MTUS1: variants seen among roughly 807,000 people sequenced by gnomAD.
The protein encoded by MTUS1 is microtubule-associated tumor suppressor 1.
MTUS1 carries 109 observed loss-of-function variants against 120.8 expected under a neutral mutation model. That is an observed-to-expected ratio of 0.90 (90% CI 0.77 to 1.06). The LOEUF (loss-of-function observed/expected upper bound fraction) is 1.06. Among genes scored for constraint, MTUS1 ranks in the 50% least tolerant of loss-of-function variants. MTUS1 has a pLI of 0.00. For synonymous variants in MTUS1, 737 were observed against 550.5 expected, an observed-to-expected ratio of 1.34 and a Z score of -4.74; for missense variants, 2,210 against 1,486.3, an observed-to-expected ratio of 1.49 and a Z score of -8.01.
intron 12 of MTUS1, 51 bp downstream of exon 12, chr8:17,653,135 G>C (rs770248295): frequency 1.9e-6 from 2 of 1,058,752 alleles, no homozygotes; most frequent in Non-Finnish European, 1.4e-6. Context: ...GACTCTAAAA[G>C]GCAACTGAGA....
At chr8:17,767,729 G>C (rs1234405698) in intron 1 of MTUS1, among the ~76,000 whole-genome samples, 1 of 115,828 alleles carries the variant, frequency 8.6e-6, no homozygotes, top group Non-Finnish European at 1.9e-5. Flanking sequence ...CGGTGTGAAA[G>C]AGACTGAAGT....
intron 1 of MTUS1, among the ~76,000 whole-genome samples, chr8:17,781,743 C>T (rs1482599992): frequency 6.6e-6 from 1 of 152,218 alleles, no homozygotes; most frequent in Non-Finnish European, 1.5e-5. Context: ...CTCCTGCCCC[C>T]ATCATGTGAT....
At chr8:17,790,481 G>A (rs992734412) in intron 1 of MTUS1, among the ~76,000 whole-genome samples, 1 of 152,196 alleles carries the variant, frequency 6.6e-6, no homozygotes, top group Non-Finnish European at 1.5e-5. Context: ...AGTTCTATTA[G>A]GACTTATTGC....
At chr8:17,796,956 A>T (rs374074874) in intron 1 of MTUS1, among the ~76,000 whole-genome samples, 1 of 152,200 alleles carries the variant, frequency 6.6e-6, no homozygotes, top group Admixed American at 6.5e-5. Flanking sequence ...CACTAAAAAT[A>T]CAAAAATTAG....
At chr8:17,799,358 A>C (rs997124183) in intron 1 of MTUS1, among the ~76,000 whole-genome samples, 6 of 152,208 alleles carry the variant, frequency 3.9e-5, no homozygotes, top group Non-Finnish European at 8.8e-5. Flanking sequence ...ATGATACATT[A>C]ATCAGGAAAA....
chr8:17,743,540 T>G, intron 3 of MTUS1, 64 bp downstream of exon 3: 1 of 1,485,888 alleles, frequency 6.7e-7, no homozygotes, highest in East Asian at 2.3e-5. Context: ...ATTAGACCTA[T>G]AATCATGACT....
chr8:17,762,286 A>C lies in MTUS1; in HGVS notation c.-154-6325T>G, dbSNP rs1282404135. On this transcript the variant is annotated intron_variant, in intron 1 of 14. Coordinates refer to ENST00000693296, the MANE Select transcript of MTUS1 (RefSeq NM_001363059.2). Reference sequence around the variant, plus strand: ...AGAGCAAGACTTTGTCTCAAAAACAAAACAAAACAAAAACAAAAATTAAGC... The same window carrying C: ...AGAGCAAGACTTTGTCTCAAAAACACAACAAAACAAAAACAAAAATTAAGC... Among the ~76,000 whole-genome samples the C allele has an allele frequency of 5.3e-5, 8 of 152,304 alleles. No individual in the cohort carries two copies. The East Asian group carries it at 9.7e-4, about 18-fold the overall frequency.
intron 1 of MTUS1, among the ~76,000 whole-genome samples, chr8:17,793,788 A>G (rs927632788): frequency 6.6e-6 from 1 of 152,214 alleles, no homozygotes; most frequent in African/African-American, 2.4e-5. Flanking sequence ...AAGAATGTCA[A>G]TACAACCTAC....
rs2129954881 is a variant in MTUS1, at chr8:17,646,066, TAG to T, written c.3671_3672del (p.Ser1224TyrfsTer17). The stretch of plus-strand genomic sequence containing the variant: ...TTCCACAGAAGCTCCTCGTTTTCCA[TAG>T]AGAGTCGCTTGTTGACTTTCGACTC... The part of the protein sequence containing the change: ...EKESKVNKRL[S>X]MENEELLWKL... On this transcript the variant is annotated frameshift_variant, in exon 15 of 15. Transcript: ENST00000693296. LOFTEE classifies it high-confidence loss of function. The T allele has an allele frequency of 3.1e-6, 5 of 1,613,456 alleles. No individual in the cohort carries two copies. The highest frequency in any genetic ancestry group is 1.1e-5 in the South Asian group (1 of 90,980).
At chr8:17,767,865 G>A (rs2049683724) in intron 1 of MTUS1, among the ~76,000 whole-genome samples, 1 of 152,158 alleles carries the variant, frequency 6.6e-6, no homozygotes, top group Non-Finnish European at 1.5e-5. Context: ...TTATGATGGA[G>A]ACTGATGCTT....
chr8:17,654,201 C>T (rs145432776), intron 10 of MTUS1: 49 of 243,022 alleles, frequency 2.0e-4, no homozygotes, highest in African/African-American at 1.0e-3. Context: ...CATTTCACAG[C>T]AACACTGCTG....
intron 1 of MTUS1, among the ~76,000 whole-genome samples, chr8:17,799,435 A>G (rs985294321): frequency 4.6e-5 from 7 of 152,112 alleles, no homozygotes; most frequent in Admixed American, 2.0e-4. Flanking sequence ...TATATTAACA[A>G]GTATTTTCTT....
intron 5 of MTUS1, among the ~76,000 whole-genome samples, chr8:17,714,168 T>C (rs184119014): frequency 1.3e-5 from 2 of 152,286 alleles, no homozygotes; most frequent in East Asian, 1.9e-4. Context: ...CCTCCGAAAT[T>C]TGATTAACTC....
At chr8:17,686,580 G>A (rs1034894124) in intron 6 of MTUS1, among the ~76,000 whole-genome samples, 1 of 152,072 alleles carries the variant, frequency 6.6e-6, no homozygotes. Context: ...TGAGTCCTGA[G>A]TAACATTTGC....
At chr8:17,653,599 C>A (rs769657629) in intron 10 of MTUS1, 101 bp from the exon 11 acceptor site, 1 of 809,066 alleles carries the variant, frequency 1.2e-6, no homozygotes, top group Non-Finnish European at 2.0e-6. Flanking sequence ...ATGATGAAGC[C>A]GTATGACGTT....
intron 3 of MTUS1, among the ~76,000 whole-genome samples, chr8:17,737,619 C>T (rs2047024510): frequency 6.6e-6 from 1 of 152,132 alleles, no homozygotes; most frequent in African/African-American, 2.4e-5. Flanking sequence ...TCCTGAGTAG[C>T]AAGGACCACA....
chr8:17,721,100 C>T (rs1042278297), intron 4 of MTUS1, among the ~76,000 whole-genome samples: 2 of 152,110 alleles, frequency 1.3e-5, no homozygotes, highest in African/African-American at 4.8e-5. Context: ...CTAAAGATAT[C>T]ACATCACAAA....
intron 5 of MTUS1, 54 bp downstream of exon 5, chr8:17,715,713 C>A (rs910750269): frequency 1.3e-6 from 2 of 1,538,902 alleles, no homozygotes; most frequent in Non-Finnish European, 8.7e-7. Flanking sequence ...TTTCTACAAG[C>A]CAAGGACTTT....
At chr8:17,662,449 G>A (rs906186013) in intron 8 of MTUS1, among the ~76,000 whole-genome samples, 6 of 143,900 alleles carry the variant, frequency 4.2e-5, no homozygotes, top group South Asian at 2.2e-4. Flanking sequence ...TCCACCTCCC[G>A]GGTTCATGCG....
Sources: gnomAD v4.1 joint callset for allele counts (sites outside exome capture counted in the v4.1 genomes callset) on GRCh38, gnomAD v4.1.1 for gene constraint, MANE v1.5 for transcripts, NCBI Gene and HGNC (gene_info 2026-07-23, HGNC 2026-07-21) for gene names.